Variants in C6 observed in about 807,000 individuals in gnomAD.
C6 encodes the protein complement component C6.
A neutral mutation model predicts 112.9 loss-of-function variants in C6; 101 were observed. The observed-to-expected ratio is 0.89, with a 90% confidence interval of 0.76 to 1.06. The LOEUF (loss-of-function observed/expected upper bound fraction) is 1.06. C6 is among the 50% of genes least tolerant of loss of function. The probability of loss-of-function intolerance (pLI) is 0.00; values close to 1 mark genes in which losing one functional copy is unlikely to be tolerated. For missense variants in C6, 1,202 were observed against 1,104.6 expected (o/e 1.09, Z -1.25); for synonymous variants, 431 against 384.1 (o/e 1.12, Z -1.43).
intron 10 of C6, among the ~76,000 whole-genome samples, chr5:41,160,690 T>C (rs2150267920): frequency 6.6e-6 from 1 of 152,276 alleles, no homozygotes; most frequent in African/African-American, 2.4e-5. Flanking sequence ...GACCAAGAGT[T>C]AGGCAACTCT....
At chr5:41,190,451 A>ATTAT (rs983113211) in intron 5 of C6, among the ~76,000 whole-genome samples, 2 of 151,846 alleles carry the variant, frequency 1.3e-5, no homozygotes, top group African/African-American at 4.8e-5. Flanking sequence ...GTTAAATTGG[A>ATTAT]TTATTTATTT....
intron 1 of C6, among the ~76,000 whole-genome samples, chr5:41,238,684 A>C (rs1347490212): frequency 1.3e-5 from 2 of 152,226 alleles, no homozygotes; most frequent in Non-Finnish European, 2.9e-5. Context: ...ATCTGACATC[A>C]TGAATAATTT....
rs780182096 is a variant in C6 at position 41,176,603 on chromosome 5, A to G, written c.1040T>C (p.Leu347Pro). The change falls in exon 8 of 18, where the codon CTA becomes CCA. Residue 347 changes from leucine to proline, a missense_variant. Coordinates refer to ENST00000337836, the MANE Select transcript of C6 (RefSeq NM_000065.5). ...VFLKALNHLP[L>P]EYNSALYSRI... ...GCTGTACAAAGCAGAGTTGTATTCT[A>G]GAGGCAGATGGTTAAGTGCTTTCAA... 3 of 1,613,976 alleles carry G rather than the reference A, an allele frequency of 1.9e-6. No homozygotes were observed. The highest frequency in any genetic ancestry group is 1.1e-5 in the South Asian group (1 of 91,082).
intron 5 of C6, among the ~76,000 whole-genome samples, chr5:41,189,584 G>A (rs1750042856): frequency 6.6e-6 from 1 of 151,874 alleles, no homozygotes; most frequent in Non-Finnish European, 1.5e-5. Flanking sequence ...TAAAATCAGG[G>A]TAATTAGCAT....
chr5:41,165,884 T>C lies in C6; in HGVS notation c.1292-4025A>G, dbSNP rs532564385. On this transcript the variant is annotated intron_variant, in intron 9 of 17. Transcript: ENST00000337836. ...ATCTAGCCTGAAAATTTAGGCGATATGCAATGAACTTAATACATCACAGCA... is the reference window on the plus strand; with the variant it reads ...ATCTAGCCTGAAAATTTAGGCGATACGCAATGAACTTAATACATCACAGCA... Among the ~76,000 whole-genome samples, 23 of 152,286 alleles carry C rather than the reference T, an allele frequency of 1.5e-4. No homozygotes were observed. In the South Asian group the frequency reaches 2.1e-3, roughly 14 times the overall value.
At chr5:41,200,097 T>A (rs532381127) in intron 3 of C6, among the ~76,000 whole-genome samples, 185 bp from the exon 4 acceptor site, 1 of 152,350 alleles carries the variant, frequency 6.6e-6, no homozygotes, top group East Asian at 1.9e-4. Context: ...TCTGTGGATC[T>A]CTGTTTCCCA....
Position 41,160,016 on chromosome 5 carries a change from C to T in C6, c.1684+126G>A, listed in dbSNP as rs146140098. Reference sequence around the variant, plus strand: ...AGACTCACACTTTTTGCAGGTTTATCTTCCCTCTGAGCCTGTACAAGGTGG... The same window carrying T: ...AGACTCACACTTTTTGCAGGTTTATTTTCCCTCTGAGCCTGTACAAGGTGG... On this transcript the variant is annotated intron_variant, in intron 11 of 17. Transcript: ENST00000337836. 2.7e-3 allele frequency: 2,107 copies of T among 776,632 alleles called. 27 individuals carry two copies. The African/African-American group carries it at 0.028, about 11-fold the overall frequency. 48.1% of individuals were successfully genotyped at this position (776,632 alleles called of 1,614,324 possible).
intron 11 of C6, 103 bp from the exon 12 acceptor site, chr5:41,159,356 C>T: frequency 1.3e-6 from 2 of 1,507,694 alleles, no homozygotes; most frequent in Admixed American, 4.1e-5. Context: ...CAGTAACTTC[C>T]TTTGTGGGAT....
intron 17 of C6, 26 bp from the exon 18 acceptor site, chr5:41,143,032 G>C (rs1745493956): frequency 1.2e-6 from 2 of 1,602,272 alleles, no homozygotes; most frequent in African/African-American, 2.7e-5. Context: ...GAGAGACAGT[G>C]TGACTTACCA....
At chr5:41,210,611 A>T (rs147949214) in intron 1 of C6, among the ~76,000 whole-genome samples, 3,269 of 152,354 alleles carry the variant, frequency 0.021, 54 homozygotes, top group Middle Eastern at 0.044. Flanking sequence ...GAAGACATTT[A>T]TGCAGCCAAC....
chr5:41,227,977 A>G (rs1346141970), intron 1 of C6, among the ~76,000 whole-genome samples: 1 of 152,088 alleles, frequency 6.6e-6, no homozygotes, highest in Non-Finnish European at 1.5e-5. Flanking sequence ...TACAAGTTTT[A>G]GGATTTGTTT....
At chr5:41,154,852 T>C (rs776268824) in intron 14 of C6, 120 bp downstream of exon 14, 42 of 1,001,188 alleles carry the variant, frequency 4.2e-5, no homozygotes, top group Non-Finnish European at 3.2e-6. Flanking sequence ...ACAAAATCTT[T>C]CACCAGAGTT....
upstream of C6, among the ~76,000 whole-genome samples, chr5:41,216,772 G>A (rs982522672): frequency 6.6e-6 from 1 of 151,976 alleles, no homozygotes; most frequent in African/African-American, 2.4e-5. Flanking sequence ...GGCTTAGCTG[G>A]TCTCTGAGCT....
At chr5:41,167,479 G>A (rs939321826) in intron 9 of C6, among the ~76,000 whole-genome samples, 2 of 152,118 alleles carry the variant, frequency 1.3e-5, no homozygotes, top group African/African-American at 4.8e-5. Flanking sequence ...AGACTTGATG[G>A]ATTCCTTAGT....
intron 5 of C6, among the ~76,000 whole-genome samples, chr5:41,191,829 A>G (rs1750240142): frequency 1.3e-5 from 2 of 150,136 alleles, no homozygotes; most frequent in East Asian, 2.0e-4. Flanking sequence ...TGTTCTCGCT[A>G]TAAAAGATAA....
At chr5:41,147,870 T>A (rs781191119) in intron 17 of C6, among the ~76,000 whole-genome samples, 2 of 152,134 alleles carry the variant, frequency 1.3e-5, no homozygotes, top group Non-Finnish European at 2.9e-5. Flanking sequence ...CTGTAATGTC[T>A]ATGGCCAGTA....
chr5:41,227,757 T>C (rs1161039294), intron 1 of C6, among the ~76,000 whole-genome samples: 2 of 152,154 alleles, frequency 1.3e-5, no homozygotes, highest in Non-Finnish European at 2.9e-5. Flanking sequence ...TCTTGGCATC[T>C]TTGTGAAAAT....
At chr5:41,237,150 A>C (rs1202895839) in intron 1 of C6, among the ~76,000 whole-genome samples, 4 of 133,902 alleles carry the variant, frequency 3.0e-5, no homozygotes, top group Non-Finnish European at 6.2e-5. Context: ...CCAGAGGTAC[A>C]AGGAGGAACT....
intron 13 of C6, among the ~76,000 whole-genome samples, chr5:41,156,061 A>G (rs1170790025): frequency 6.6e-6 from 1 of 151,988 alleles, no homozygotes; most frequent in Non-Finnish European, 1.5e-5. Context: ...TTCAAGGTAA[A>G]GTGGGTCTTA....
Sources: gnomAD v4.1 joint callset for allele counts (sites outside exome capture counted in the v4.1 genomes callset) on GRCh38, gnomAD v4.1.1 for gene constraint, MANE v1.5 for transcripts, NCBI Gene and HGNC (gene_info 2026-07-23, HGNC 2026-07-21) for gene names.